ACSM1: variants seen among roughly 807,000 people sequenced by gnomAD.
The protein encoded by ACSM1 is acyl-coenzyme A synthetase ACSM1, mitochondrial.
ACSM1 carries 79 observed loss-of-function variants against 75.8 expected under a neutral mutation model. The observed-to-expected ratio is 1.04, with a 90% CI of 0.87 to 1.26. The LOEUF is 1.26. Among genes scored for constraint, ACSM1 ranks in the 50% most tolerant of loss-of-function variants. ACSM1 has a pLI of 0.00. For synonymous variants in ACSM1, 279 were observed against 265.8 expected (o/e 1.05, Z -0.48); for missense variants, 676 against 720.1 (o/e 0.94, Z 0.70).
intron 7 of ACSM1, among the ~76,000 whole-genome samples, chr16:20,654,663 C>A (rs1316634730): frequency 1.3e-5 from 2 of 152,206 alleles, no homozygotes; most frequent in Non-Finnish European, 2.9e-5. Flanking sequence ...CTCATCATCA[C>A]TGGCCATCAG....
chr16:20,695,078 G>A (rs137933301), intron 1 of ACSM1, among the ~76,000 whole-genome samples: 5 of 152,262 alleles, frequency 3.3e-5, no homozygotes, highest in African/African-American at 7.2e-5. Flanking sequence ...AAGAAGAAAT[G>A]ACTTTGGCAT....
rs2016728065 is a variant in ACSM1 at position 20,623,439 on chromosome 16, C to G, written c.*47G>C. On this transcript the variant is annotated 3_prime_UTR_variant, in exon 14 of 14. Transcript: ENST00000520010. ...CACCATAGTGGGGAGACTAAAGTGG[C>G]CAGGGATTTGCCTTAGGTGTGCAGT... is the stretch of plus-strand genomic sequence containing the variant. The G allele has an allele frequency of 6.4e-7, 1 of 1,569,406 alleles. No homozygotes were observed. Among genetic ancestry groups the G allele is most frequent in the Non-Finnish European group, 8.8e-7 (1 of 1,140,132 alleles).
chr16:20,683,151 CCT>C (rs1188737621), intron 3 of ACSM1, among the ~76,000 whole-genome samples: 2 of 151,548 alleles, frequency 1.3e-5, no homozygotes, highest in African/African-American at 2.4e-5. Flanking sequence ...GGAGTCTCCC[CCT>C]GTCACCCAGG....
intron 3 of ACSM1, among the ~76,000 whole-genome samples, chr16:20,683,789 C>G (rs983870982): frequency 6.6e-6 from 1 of 150,484 alleles, no homozygotes; most frequent in Non-Finnish European, 1.5e-5. Flanking sequence ...AGGATGGTCT[C>G]GATCTCCTGA....
chr16:20,623,428 G>T lies in ACSM1; in HGVS notation c.*58C>A. ...ACCCTCGTCCTCACCATAGTGGGGA[G>T]ACTAAAGTGGCCAGGGATTTGCCTT... On this transcript the variant is annotated 3_prime_UTR_variant, in exon 14 of 14. Coordinates refer to ENST00000520010, the MANE Select transcript of ACSM1 (RefSeq NM_001318890.3). 6.0e-6 allele frequency: 9 copies of T among 1,502,744 alleles called. No individual in the cohort carries two copies. The South Asian group carries it at 1.0e-4, about 17-fold the overall frequency. 93.1% of individuals were successfully genotyped at this position (1,502,744 alleles called of 1,614,324 possible).
At chr16:20,649,492 A>C (rs969575164) in intron 7 of ACSM1, among the ~76,000 whole-genome samples, 3 of 152,194 alleles carry the variant, frequency 2.0e-5, no homozygotes, top group African/African-American at 7.2e-5. Context: ...AGGAGATAAT[A>C]AACTAAGAGC....
rs537557243 is a variant in ACSM1, at chr16:20,654,428, C to A, written c.992+7366G>T. Among the ~76,000 whole-genome samples the A allele has an allele frequency of 4.4e-4, 67 of 152,166 alleles. 1 individual carries two copies. In the East Asian group the frequency reaches 0.013, roughly 29 times the overall value. ...ATCTATTTAAACTAAAGAGCTTCTG[C>A]ACAAAAAAAGAAACTACCATCAGAG... On this transcript the variant is annotated intron_variant, in intron 7 of 13. Coordinates refer to ENST00000520010, the MANE Select transcript of ACSM1 (RefSeq NM_001318890.3).
chr16:20,659,931 G>A (rs757082051), intron 7 of ACSM1, among the ~76,000 whole-genome samples: 3 of 152,052 alleles, frequency 2.0e-5, no homozygotes, highest in South Asian at 2.1e-4. Flanking sequence ...GAAAGACCCC[G>A]CTTTGCATTG....
chr16:20,658,696 T>A (rs2019130913), intron 7 of ACSM1, among the ~76,000 whole-genome samples: 1 of 152,112 alleles, frequency 6.6e-6, no homozygotes, highest in Non-Finnish European at 1.5e-5. Context: ...AAGAATAGAT[T>A]CGTCTATATT....
chr16:20,662,943 T>G (rs1175631947), intron 6 of ACSM1, among the ~76,000 whole-genome samples: 1 of 152,204 alleles, frequency 6.6e-6, no homozygotes, highest in African/African-American at 2.4e-5. Context: ...GATTGCTGAC[T>G]TGGTGACAGA....
At chr16:20,633,981 T>G (rs1211635951) in intron 10 of ACSM1, among the ~76,000 whole-genome samples, 1 of 152,170 alleles carries the variant, frequency 6.6e-6, no homozygotes, top group African/African-American at 2.4e-5. Context: ...ACCTCAAAAC[T>G]TACTACAAAA....
intron 6 of ACSM1, among the ~76,000 whole-genome samples, chr16:20,669,550 A>G (rs927835327): frequency 2.6e-5 from 4 of 151,266 alleles, no homozygotes; most frequent in African/African-American, 9.7e-5. Flanking sequence ...TGCTTGCTTT[A>G]ATTTTTCAAA....
At position 20,682,307 on chromosome 16, in the gene ACSM1, AG is replaced by A; in HGVS notation, c.559del (p.Leu187TrpfsTer71). 6.2e-7 allele frequency: 1 copy of A among 1,613,906 alleles called. No homozygotes were observed. The highest frequency in any genetic ancestry group is 8.5e-7 in the Non-Finnish European group (1 of 1,179,978). ...SQCPSLKTKLLVSDHSREGWL... is the reference protein window; with the variant it reads ...SQCPSLKTKLXVSDHSREGWL... ...CCCTTCACGGCTGTGATCAGACACC[AG>A]GAGCTTGGTTTTCAGAGAGGGGCAC... On this transcript the variant is annotated frameshift_variant, in exon 4 of 14. Transcript: ENST00000520010. LOFTEE classifies it high-confidence loss of function.
intron 10 of ACSM1, among the ~76,000 whole-genome samples, chr16:20,627,881 T>C (rs796866997): frequency 0.25 from 1,736 of 6,976 alleles, 44 homozygotes; most frequent in African/African-American, 0.39. Flanking sequence ...TATATATATA[T>C]ATATATATAT....
intron 4 of ACSM1, 100 bp downstream of exon 4, chr16:20,682,153 AAAT>A: frequency 8.7e-7 from 1 of 1,145,618 alleles, no homozygotes; most frequent in Admixed American, 2.2e-5. Flanking sequence ...TGGTGCACCT[AAAT>A]AATAAATACA....
chr16:20,671,777 C>T (rs1209999302), intron 4 of ACSM1, 106 bp from the exon 5 acceptor site: 3 of 1,303,176 alleles, frequency 2.3e-6, no homozygotes, highest in Non-Finnish European at 3.0e-6. Context: ...TGGGAGTTTG[C>T]AACACTAGAG....
chr16:20,632,899 T>C (rs1413245913), intron 10 of ACSM1, among the ~76,000 whole-genome samples: 1 of 152,162 alleles, frequency 6.6e-6, no homozygotes, highest in African/African-American at 2.4e-5. Flanking sequence ...ATAAACCACA[T>C]TAATAGGATG....
chr16:20,668,096 C>T (rs1209461816), intron 6 of ACSM1, among the ~76,000 whole-genome samples: 2 of 152,092 alleles, frequency 1.3e-5, no homozygotes, highest in Non-Finnish European at 2.9e-5. Context: ...AATATTCTTA[C>T]TCCAAACCTC....
chr16:20,655,839 T>A (rs532254659), intron 7 of ACSM1, among the ~76,000 whole-genome samples: 22 of 152,220 alleles, frequency 1.4e-4, no homozygotes, highest in African/African-American at 5.3e-4. Flanking sequence ...ATTTTTCTAT[T>A]TTTAGTAGAC....
Sources: allele counts gnomAD v4.1 joint callset (sites outside exome capture counted in the v4.1 genomes callset), GRCh38; gene constraint gnomAD v4.1.1; transcripts MANE v1.5; gene names NCBI Gene and HGNC (gene_info 2026-07-23, HGNC 2026-07-21).